SRFBP1: variants seen among roughly 807,000 people sequenced by gnomAD.
The protein encoded by SRFBP1 is serum response factor-binding protein 1.
SRFBP1 carries 47 observed loss-of-function variants against 45.5 expected under a neutral mutation model. The ratio of observed to expected loss-of-function variants is 1.03; its 90% CI spans 0.82 to 1.32. SRFBP1 has a LOEUF of 1.32. SRFBP1 is among the 40% of genes most tolerant of loss of function. The pLI is 0.00. For synonymous variants in SRFBP1, 203 were observed against 166.3 expected, an observed-to-expected ratio of 1.22 and a Z score of -1.70; for missense variants, 621 against 484.6, an observed-to-expected ratio of 1.28 and a Z score of -2.64.
chr5:122,034,883 T>C (rs1486494717), intron 2 of SRFBP1, among the ~76,000 whole-genome samples: 1 of 152,174 alleles, frequency 6.6e-6, no homozygotes, highest in South Asian at 2.1e-4. Context: ...ATTGTTACTC[T>C]TAGTGATCCT....
intron 2 of SRFBP1, among the ~76,000 whole-genome samples, chr5:122,055,410 A>G (rs974509606): frequency 1.3e-5 from 2 of 152,202 alleles, no homozygotes; most frequent in East Asian, 1.9e-4. Flanking sequence ...TTCTGAAGCT[A>G]GGATAATCCC....
intron 2 of SRFBP1, among the ~76,000 whole-genome samples, chr5:122,068,206 TATA>T (rs926039865): frequency 1.4e-5 from 2 of 147,354 alleles, no homozygotes; most frequent in African/African-American, 5.1e-5. Context: ...AATTCAACTC[TATA>T]TGAGTGACCA....
chr5:122,013,624 G>A (rs1753138529), intron 4 of SRFBP1, among the ~76,000 whole-genome samples: 1 of 152,052 alleles, frequency 6.6e-6, no homozygotes, highest in Admixed American at 6.6e-5. Context: ...CAAGATTTAT[G>A]GACAGATGTT....
At chr5:122,037,694 G>C (rs1753715036) in intron 2 of SRFBP1, among the ~76,000 whole-genome samples, 1 of 150,674 alleles carries the variant, frequency 6.6e-6, no homozygotes, top group Admixed American at 6.6e-5. Flanking sequence ...TTTTTTGGTA[G>C]AGATGGAGCC....
At position 121,966,400 on chromosome 5, in the gene SRFBP1, C is replaced by T. The variant is rs949828841; in HGVS notation, c.36+4332C>T. ...TTTTGATTGCTTTTATAGCAGCTTC[C>T]CTAACCTCCAGCACAGTACCTTGTC... On this transcript the variant is annotated intron_variant, in intron 1 of 7. Transcript: ENST00000339397. Among the ~76,000 whole-genome samples the T allele has an allele frequency of 2.6e-5, 4 of 152,208 alleles. No individual in the cohort carries two copies. In the South Asian group the frequency reaches 8.3e-4, roughly 32 times the overall value.
rs543813924 is a variant in SRFBP1, at chr5:122,049,876, G to T, written n.312-25439G>T. ...GAATCTCTGGGACACATTCAAAGCA[G>T]TGTGTAGAGGGAAATTTATAGCACT... On this transcript the variant is annotated intron_variant and non_coding_transcript_variant, in intron 2 of 2. Transcript: ENST00000504881. 1.1e-3 allele frequency among the ~76,000 whole-genome samples: 167 copies of T among 152,314 alleles called. 1 individual carries two copies. Among genetic ancestry groups the T allele is most frequent in the African/African-American group, 3.9e-3 (161 of 41,566 alleles).
chr5:122,002,206 G>A (rs749666500), intron 4 of SRFBP1, among the ~76,000 whole-genome samples: 8 of 152,154 alleles, frequency 5.3e-5, no homozygotes, highest in Non-Finnish European at 1.2e-4. Flanking sequence ...GCTCATGGAG[G>A]TTAGTTTGTC....
intron 7 of SRFBP1, among the ~76,000 whole-genome samples, chr5:122,023,272 T>A (rs1753399060): frequency 1.3e-5 from 2 of 152,170 alleles, no homozygotes; most frequent in Non-Finnish European, 1.5e-5. Context: ...CATTTCACTT[T>A]TCCTCCTACA....
In SRFBP1 at chr5:121,961,998, T is replaced by C. The variant is rs1449251557; in HGVS notation, c.-35T>C. 12 of 1,613,528 alleles carry C rather than the reference T, an allele frequency of 7.4e-6. No individual in the cohort carries two copies. Among genetic ancestry groups the C allele is most frequent in the Admixed American group, 1.7e-5 (1 of 59,990 alleles). ...CCGCGGTCTGAGAGACCGGTTCACG[T>C]GCAGGCAGCGGCGGATCATATTCCT... On this transcript the variant is annotated 5_prime_UTR_variant, in exon 1 of 8. Coordinates refer to ENST00000339397, the MANE Select transcript of SRFBP1 (RefSeq NM_152546.3).
rs915456664 is a variant in SRFBP1, at chr5:122,020,517, T to G, written c.782T>G (p.Phe261Cys). 1.9e-6 allele frequency: 3 copies of G among 1,613,962 alleles called. No homozygotes were observed. In the African/African-American group the frequency reaches 4.0e-5, roughly 22 times the overall value. The change falls in exon 6 of 8, where the codon TTT (phenylalanine) becomes TGT (cysteine). Residue 261 changes from phenylalanine to cysteine, a missense_variant. Physicochemically the swap from Phe to Cys is radical, Grantham distance 205. Coordinates refer to ENST00000339397, the MANE Select transcript of SRFBP1 (RefSeq NM_152546.3). ...EEFCEEEKEY[F>C]DDSTEERFYK... ...TTTTGTGAAGAGGAGAAGGAATATT[T>G]TGATGATAGCACAGAAGAAAGGTTT... is the stretch of plus-strand genomic sequence containing the variant.
At chr5:122,044,182 T>A (rs758084575) in intron 2 of SRFBP1, among the ~76,000 whole-genome samples, 1 of 152,220 alleles carries the variant, frequency 6.6e-6, no homozygotes, top group Non-Finnish European at 1.5e-5. Context: ...TCAAAGGACT[T>A]GATCTCATTT....
rs1225208397 is a variant in SRFBP1, at chr5:122,019,323, AAGAT to A, written c.339_342del (p.Ile113MetfsTer3). Reference sequence around the variant, plus strand: ...AGCAGTACATCCTCTTCTGAAGAAAAAGATAGATGTGCTAAAAGGTATGAATTAA... The same window carrying A: ...AGCAGTACATCCTCTTCTGAAGAAAAAGATGTGCTAAAAGGTATGAATTAA... On this transcript the variant is annotated frameshift_variant, in exon 5 of 8. Coordinates refer to ENST00000339397, the MANE Select transcript of SRFBP1 (RefSeq NM_152546.3). LOFTEE classifies it high-confidence loss of function. 6.2e-7 allele frequency: 1 copy of A among 1,612,242 alleles called. No individual in the cohort carries two copies. The highest frequency in any genetic ancestry group is 1.3e-5 in the African/African-American group (1 of 74,872).
chr5:122,020,274 C>G lies in SRFBP1; in HGVS notation c.539C>G (p.Pro180Arg), dbSNP rs1449348007. The G allele has an allele frequency of 5.6e-6, 9 of 1,612,226 alleles. No homozygotes were observed. The highest frequency in any genetic ancestry group is 7.6e-6 in the Non-Finnish European group (9 of 1,179,506). ...GAAACCAAAATATTGGCGAAGAAAC[C>G]AATACATAATTCAAAGGAAAAAATA... ...VKETKILAKKPIHNSKEKIAK... is the reference protein window; with the variant it reads ...VKETKILAKKRIHNSKEKIAK... The change falls in exon 6 of 8, where the codon CCA becomes CGA. Residue 180 changes from proline to arginine, a missense_variant. By Grantham distance (103) the Pro-to-Arg change is moderately radical. Coordinates refer to ENST00000339397, the MANE Select transcript of SRFBP1 (RefSeq NM_152546.3).
intron 2 of SRFBP1, among the ~76,000 whole-genome samples, chr5:122,045,693 A>T (rs1016203660): frequency 2.6e-5 from 4 of 152,046 alleles, no homozygotes; most frequent in Non-Finnish European, 4.4e-5. Flanking sequence ...ACTGATTTTT[A>T]TACATTGATT....
Position 121,983,847 on chromosome 5 carries a change from C to T in SRFBP1, c.198+8460C>T, listed in dbSNP as rs575360150. Among the ~76,000 whole-genome samples, 369 of 151,756 alleles carry T rather than the reference C, an allele frequency of 2.4e-3. 3 individuals are homozygous for T. Among genetic ancestry groups the T allele is most frequent in the African/African-American group, 8.5e-3 (353 of 41,490 alleles). ...ACTAGTAAAATTTCTTAGTAGTAAA[C>T]TTACTTTGTTTTATTTTATTGTTCT... On this transcript the variant is annotated intron_variant, in intron 3 of 7. Transcript: ENST00000339397.
At chr5:121,967,558 G>T (rs777105594) in intron 1 of SRFBP1, among the ~76,000 whole-genome samples, 11 of 152,096 alleles carry the variant, frequency 7.2e-5, no homozygotes, top group Middle Eastern at 3.2e-3. Flanking sequence ...TTTTGGCCAG[G>T]TGCAGTGCCT....
intron 2 of SRFBP1, among the ~76,000 whole-genome samples, chr5:122,044,707 A>C (rs529972984): frequency 6.6e-6 from 1 of 151,678 alleles, no homozygotes; most frequent in Admixed American, 6.6e-5. Context: ...GGAGGTTTTT[A>C]GTTTTTTTCT....
At chr5:122,026,615 C>T (rs902351083) in intron 7 of SRFBP1, among the ~76,000 whole-genome samples, 3 of 152,108 alleles carry the variant, frequency 2.0e-5, no homozygotes, top group Non-Finnish European at 4.4e-5. Context: ...ATACATGATG[C>T]CCTTCTTTTT....
intron 3 of SRFBP1, among the ~76,000 whole-genome samples, chr5:121,985,304 T>C: frequency 6.6e-6 from 1 of 151,810 alleles, no homozygotes; most frequent in African/African-American, 2.4e-5. Context: ...TTTGTATTGC[T>C]TCATTGTTTT....
Sources: allele counts gnomAD v4.1 joint callset (sites outside exome capture counted in the v4.1 genomes callset), GRCh38; gene constraint gnomAD v4.1.1; transcripts MANE v1.5; gene names NCBI Gene and HGNC (gene_info 2026-07-23, HGNC 2026-07-21).